The following PPL variants were observed in gnomAD, a reference collection of about 807,000 sequenced individuals.
PPL encodes 190 kDa paraneoplastic pemphigus antigen.
PPL carries 198 observed loss-of-function variants against 194.4 expected under a neutral mutation model. The observed-to-expected ratio is 1.02, with a 90% CI of 0.91 to 1.15. PPL has a LOEUF of 1.15. Among genes scored for constraint, PPL ranks in the 50% most tolerant of loss-of-function variants. The pLI, the probability that PPL is intolerant of heterozygous loss-of-function variation, is 0.00. For missense variants in PPL, 2,885 were observed against 2,294.8 expected (o/e 1.26, Z -5.25); for synonymous variants, 1,220 against 972.4 (o/e 1.25, Z -4.74).
chr16:4,885,002 GCC>G lies in PPL; in HGVS notation c.3651_3652del (p.Glu1217AspfsTer16). On this transcript the variant is annotated frameshift_variant, in exon 22 of 22. Transcript: ENST00000345988. LOFTEE classifies it high-confidence loss of function. The surrounding 1 kb of genome is among the most constrained non-coding windows in gnomAD (Gnocchi z 6.3). The stretch of plus-strand genomic sequence containing the variant: ...CACCTGGGGGCCTCGCCTCCTGAGG[GCC>G]TCCAGCTCACTCTGGTAGCTCCGGA... The G allele has an allele frequency of 6.2e-7, 1 of 1,613,904 alleles. No individual in the cohort carries two copies. Among genetic ancestry groups the G allele is most frequent in the South Asian group, 1.1e-5 (1 of 91,074 alleles).
chr16:4,897,584 G>T, intron 9 of PPL, 91 bp downstream of exon 9: 2 of 995,316 alleles, frequency 2.0e-6, no homozygotes, highest in Non-Finnish European at 3.1e-6. Context: ...GGACCAAGGA[G>T]CACGAGGCCA....
chr16:4,895,276 G>C lies in PPL; in HGVS notation c.1227C>G (p.Asp409Glu), dbSNP rs2088402981. 4 of 1,608,204 alleles carry C rather than the reference G, an allele frequency of 2.5e-6. No homozygotes were observed. The highest frequency in any genetic ancestry group is 3.4e-6 in the Non-Finnish European group (4 of 1,176,786). ...LKPIPVEALC[D>E]FEGEQGLISR... ...CCCCACGCACCTGCTCCCCCTCAAAGTCACAGAGTGCCTCCACGGGGATGG... is the reference window on the plus strand; with the variant it reads ...CCCCACGCACCTGCTCCCCCTCAAACTCACAGAGTGCCTCCACGGGGATGG... Residue 409 changes from aspartate (D) to glutamate (E), a missense_variant, in exon 11 of 22, where the codon GAC becomes GAG. By Grantham distance (45) the Asp-to-Glu change is conservative. Transcript: ENST00000345988.
Position 4,884,898 on chromosome 16 carries a change from C to T in PPL, c.3757G>A (p.Glu1253Lys), listed in dbSNP as rs1259400276. Residue 1253 changes from glutamate to lysine, a missense_variant, in exon 22 of 22, where the codon GAG becomes AAG. Glu to Lys is a moderately conservative substitution (Grantham distance 56, BLOSUM62 1). Transcript: ENST00000345988. This position sits in a 1 kb window ranked among gnomAD's most constrained non-coding sequence, Gnocchi z 5.7. ...EMEKELQRLR[E>K]EIVDKTRLIE... is the part of the protein sequence containing the mutation. ...AGTCTGGTCTTGTCCACGATCTCCT[C>T]CCTGAGCCGCTGAAGCTCCTTCTCC... The T allele has an allele frequency of 1.2e-6, 2 of 1,614,152 alleles. No individual in the cohort carries two copies. Among genetic ancestry groups the T allele is most frequent in the South Asian group, 1.1e-5 (1 of 91,086 alleles).
In PPL at chr16:4,883,881, C is replaced by T. The variant is rs1448277964; in HGVS notation, c.4774G>A (p.Glu1592Lys). ...LQSEINMAAT[E>K]TRDLRNMTVA... ...GTCATGTTCCGCAGGTCTCGTGTTT[C>T]CGTCGCTGCCATGTTGATTTCCGAT... The change falls in exon 22 of 22, where the codon GAA becomes AAA. Residue 1592 changes from glutamate (E) to lysine (K), a missense_variant. Transcript: ENST00000345988. This position sits in a 1 kb window ranked among gnomAD's most constrained non-coding sequence, Gnocchi z 4.8. 1 of 1,613,994 alleles carries T rather than the reference C, an allele frequency of 6.2e-7. No homozygotes were observed. Among genetic ancestry groups the T allele is most frequent in the East Asian group, 2.2e-5 (1 of 44,878 alleles).
chr16:4,931,454 G>A (rs1460035157), intron 1 of PPL, among the ~76,000 whole-genome samples: 1 of 152,184 alleles, frequency 6.6e-6, no homozygotes. Flanking sequence ...CCACCCGGAG[G>A]CAGAAAGGGG....
At chr16:4,886,260 G>A (rs541359788) in intron 21 of PPL, among the ~76,000 whole-genome samples, 1 of 152,310 alleles carries the variant, frequency 6.6e-6, no homozygotes, top group Non-Finnish European at 1.5e-5. Context: ...TTTGAGCTGT[G>A]GAAGAGTTTA....
rs771636228 is a variant in PPL, at chr16:4,884,342, C to G, written c.4313G>C (p.Arg1438Pro). Residue 1438 changes from arginine to proline, a missense_variant, in exon 22 of 22, where the codon CGT becomes CCT. By Grantham distance (103) the Arg-to-Pro change is moderately radical. Transcript: ENST00000345988. The surrounding 1 kb of genome is among the most constrained non-coding windows in gnomAD (Gnocchi z 5.7). ...CTTCTGCGTATGGGTTACCTTCTCA[C>G]GGGCCTCAGCTTCTTCCTGCTCCAG... ...AALEQEEAEA[R>P]EKVTHTQKVV... 9 of 1,612,374 alleles carry G rather than the reference C, an allele frequency of 5.6e-6. No individual in the cohort carries two copies. The African/African-American group carries it at 1.2e-4, about 22-fold the overall frequency.
chr16:4,898,980 T>TG (rs752385114), intron 8 of PPL, 33 bp downstream of exon 8: 27 of 1,590,210 alleles, frequency 1.7e-5, no homozygotes, highest in Non-Finnish European at 1.7e-6. Flanking sequence ...GAAGCCACCC[T>TG]GGGGGAGGTG....
chr16:4,884,193 CCA>C lies in PPL; in HGVS notation c.4460_4461del (p.Leu1487ArgfsTer64). The C allele has an allele frequency of 6.2e-7, 1 of 1,614,024 alleles. No homozygotes were observed. The highest frequency in any genetic ancestry group is 8.5e-7 in the Non-Finnish European group (1 of 1,180,020). ...EGELETLRRKLAALEKAEVKE... is the reference protein window; with the variant it reads ...EGELETLRRKXAALEKAEVKE... ...TTGACCTCCGCCTTCTCCAGTGCAGCCAGTTTCCTCCGGAGGGTCTCGAGCTC... is the reference window on the plus strand; with the variant it reads ...TTGACCTCCGCCTTCTCCAGTGCAGCGTTTCCTCCGGAGGGTCTCGAGCTC... On this transcript the variant is annotated frameshift_variant, in exon 22 of 22. Coordinates refer to ENST00000345988, the MANE Select transcript of PPL (RefSeq NM_002705.5). LOFTEE classifies it high-confidence loss of function. This position sits in a 1 kb window ranked among gnomAD's most constrained non-coding sequence, Gnocchi z 5.7.
intron 9 of PPL, among the ~76,000 whole-genome samples, chr16:4,896,492 A>T (rs1256460378): frequency 6.6e-6 from 1 of 152,164 alleles, no homozygotes; most frequent in Non-Finnish European, 1.5e-5. Context: ...AAGGGCAGAG[A>T]TTGCATGATC....
intron 1 of PPL, among the ~76,000 whole-genome samples, chr16:4,932,271 C>T (rs1009400999): frequency 2.0e-5 from 3 of 150,672 alleles, no homozygotes; most frequent in Non-Finnish European, 4.4e-5. Context: ...AATGGCGGGG[C>T]GGCTCTCTCT....
intron 2 of PPL, among the ~76,000 whole-genome samples, chr16:4,908,422 T>TTGTC (rs796281911): frequency 7.4e-5 from 11 of 148,408 alleles, no homozygotes; most frequent in African/African-American, 1.5e-4. Context: ...TCTTCCTTCT[T>TTGTC]TCTCTCTCTC....
chr16:4,935,010 G>C (rs1253016704), intron 1 of PPL, among the ~76,000 whole-genome samples: 1 of 152,180 alleles, frequency 6.6e-6, no homozygotes. Flanking sequence ...CCAGGCTGGG[G>C]AGAGAATCAG....
Position 4,894,498 on chromosome 16 carries a change from T to G in PPL, c.1363A>C (p.Thr455Pro), listed in dbSNP as rs552407353. The change falls in exon 12 of 22, where the codon ACA becomes CCA. Residue 455 changes from threonine to proline, a missense_variant. Physicochemically the swap from Thr to Pro is conservative, Grantham distance 38 (BLOSUM62 -1). Transcript: ENST00000345988. ...APAVCFVIPP[T>P]DPEALALADS... ...GCCAGAGCCAGGGCCTCAGGGTCTG[T>G]GGGGGGGATCACAAAACACACGGCC... The G allele has an allele frequency of 2.5e-6, 4 of 1,613,526 alleles. No individual in the cohort carries two copies. The East Asian group carries it at 6.7e-5, about 27-fold the overall frequency.
chr16:4,896,670 C>T (rs1314590443), intron 9 of PPL, among the ~76,000 whole-genome samples: 1 of 144,566 alleles, frequency 6.9e-6, no homozygotes, highest in Non-Finnish European at 1.5e-5. Flanking sequence ...GGCGGAGACT[C>T]ACTCTGTCGC....
Position 4,885,583 on chromosome 16 carries a change from C to T in PPL, c.3072G>A (p.Lys1024=). 1 of 1,611,940 alleles carries T rather than the reference C, an allele frequency of 6.2e-7. No individual in the cohort carries two copies. The highest frequency in any genetic ancestry group is 8.5e-7 in the Non-Finnish European group (1 of 1,179,948). Residue 1024 remains lysine, a synonymous_variant, in exon 22 of 22, where the codon AAG becomes AAA. Coordinates refer to ENST00000345988, the MANE Select transcript of PPL (RefSeq NM_002705.5). This position sits in a 1 kb window ranked among gnomAD's most constrained non-coding sequence, Gnocchi z 6.3. ...REELEALRRQ[K]GAREAEVLLL... ...GGAGCACCTCTGCCTCCCGGGCGCC[C>T]TTCTGCCGCCTCAGTGCCTCCAGCT...
At chr16:4,914,666 G>A (rs2088884478) in intron 1 of PPL, among the ~76,000 whole-genome samples, 1 of 152,158 alleles carries the variant, frequency 6.6e-6, no homozygotes, top group Non-Finnish European at 1.5e-5. Context: ...AGGCACTTAG[G>A]AAAACCCCAT....
At chr16:4,905,470 A>C (rs1385208763) in intron 2 of PPL, among the ~76,000 whole-genome samples, 1 of 152,176 alleles carries the variant, frequency 6.6e-6, no homozygotes, top group Non-Finnish European at 1.5e-5. Context: ...AAATAGGCAC[A>C]AGAGATCTTG....
At position 4,900,999 on chromosome 16, in the gene PPL, C is replaced by G. The variant is rs755185794; in HGVS notation, c.529G>C (p.Ala177Pro). Residue 177 changes from alanine (A) to proline (P), a missense_variant, in exon 5 of 22, where the codon GCC becomes CCC. Physicochemically the swap from Ala to Pro is conservative, Grantham distance 27. Coordinates refer to ENST00000345988, the MANE Select transcript of PPL (RefSeq NM_002705.5). ...TCCTTGGCCAGGTGGGGCCCGATGG[C>G]CTTGACCTCATTGTGGAAGATGTTA... ...EHNIFHNEVK[A>P]IGPHLAKDGD... 8.7e-6 allele frequency: 14 copies of G among 1,614,178 alleles called. No individual in the cohort carries two copies. The highest frequency in any genetic ancestry group is 1.2e-5 in the Non-Finnish European group (14 of 1,180,030).
Sources: allele counts gnomAD v4.1 joint callset (sites outside exome capture counted in the v4.1 genomes callset), GRCh38; gene constraint gnomAD v4.1.1; non-coding constraint Gnocchi (gnomAD v3.1); transcripts MANE v1.5; gene names NCBI Gene and HGNC (gene_info 2026-07-23, HGNC 2026-07-21).